TMTC2: variants seen among roughly 807,000 people sequenced by gnomAD.
TMTC2 encodes the protein protein O-mannosyl-transferase TMTC2.
Under a neutral mutation model 82.4 loss-of-function variants are expected in TMTC2, and 43 were observed. The observed-to-expected ratio is 0.52, with a 90% confidence interval of 0.41 to 0.67. The LOEUF (loss-of-function observed/expected upper bound fraction) is 0.67. TMTC2 is among the 30% of genes least tolerant of loss of function. The probability of loss-of-function intolerance (pLI) is 0.00; values close to 1 mark genes in which losing one functional copy is unlikely to be tolerated. For missense variants in TMTC2, 919 were observed against 1,012.4 expected, an observed-to-expected ratio of 0.91 and a Z score of 1.25; for synonymous variants, 408 against 381.9, an observed-to-expected ratio of 1.07 and a Z score of -0.80.
chr12:82,911,394 C>T (rs1331888769), intron 3 of TMTC2, among the ~76,000 whole-genome samples: 1 of 150,916 alleles, frequency 6.6e-6, no homozygotes, highest in African/African-American at 2.4e-5. Context: ...ACTCTCTTCC[C>T]TTCCCAGCAC....
At chr12:82,973,138 T>C (rs1878520231) in intron 7 of TMTC2, among the ~76,000 whole-genome samples, 1 of 152,222 alleles carries the variant, frequency 6.6e-6, no homozygotes, top group African/African-American at 2.4e-5. Flanking sequence ...TTAAGCTTTT[T>C]ATACCACCTG....
chr12:82,696,216 G>A (rs1445047092), intron 1 of TMTC2, among the ~76,000 whole-genome samples: 3 of 152,182 alleles, frequency 2.0e-5, no homozygotes, highest in Non-Finnish European at 2.9e-5. Flanking sequence ...TTTATTTGCA[G>A]AAATAGGCCC....
chr12:82,932,676 T>C (rs1876104575), intron 4 of TMTC2, among the ~76,000 whole-genome samples: 1 of 152,184 alleles, frequency 6.6e-6, no homozygotes, highest in Admixed American at 6.6e-5. Flanking sequence ...AAAGGGGGCC[T>C]CTTGCCTTGC....
rs1876794671 is a variant in TMTC2 at position 82,763,905 on chromosome 12, T to C, written c.83+76236T>C. Among the ~76,000 whole-genome samples, 7 of 151,928 alleles carry C rather than the reference T, an allele frequency of 4.6e-5. No homozygotes were observed. The South Asian group carries it at 1.5e-3, about 31-fold the overall frequency. ...ATGATGCTAGCATAATCCTGAAAAA[T>C]ACAGCTTAAAAAAAGAAAACCACAG... On this transcript the variant is annotated intron_variant, in intron 1 of 11. Transcript: ENST00000321196.
At chr12:82,852,525 G>C (rs1039422188) in intron 1 of TMTC2, among the ~76,000 whole-genome samples, 1 of 152,070 alleles carries the variant, frequency 6.6e-6, no homozygotes, top group Non-Finnish European at 1.5e-5. Context: ...CTTTCCTAGA[G>C]TGGAAAATAT....
chr12:82,923,769 A>G (rs575734102), intron 3 of TMTC2, among the ~76,000 whole-genome samples: 2 of 152,336 alleles, frequency 1.3e-5, no homozygotes, highest in East Asian at 3.9e-4. Flanking sequence ...CATAGAATTC[A>G]TAGATTAATT....
chr12:82,778,624 C>T (rs553735432), intron 1 of TMTC2, among the ~76,000 whole-genome samples: 1 of 151,766 alleles, frequency 6.6e-6, no homozygotes, highest in Non-Finnish European at 1.5e-5. Context: ...CCGAGGCGGG[C>T]GGATCACCAG....
At chr12:82,741,458 G>A (rs894686502) in intron 1 of TMTC2, among the ~76,000 whole-genome samples, 2 of 152,032 alleles carry the variant, frequency 1.3e-5, no homozygotes, top group African/African-American at 4.8e-5. Flanking sequence ...CTACAGGCAC[G>A]CGCCACCACG....
At chr12:82,945,404 C>G (rs775505070) in intron 4 of TMTC2, among the ~76,000 whole-genome samples, 20 of 152,142 alleles carry the variant, frequency 1.3e-4, no homozygotes, top group Non-Finnish European at 2.5e-4. Flanking sequence ...ATCCAGGACA[C>G]TGTAGGTAAA....
chr12:83,070,141 T>G (rs1251781358), intron 11 of TMTC2, among the ~76,000 whole-genome samples: 1 of 152,204 alleles, frequency 6.6e-6, no homozygotes, highest in Non-Finnish European at 1.5e-5. Context: ...TTTGTTCTTT[T>G]TACTTAGTCT....
chr12:82,688,941 A>T (rs748425188), intron 1 of TMTC2, among the ~76,000 whole-genome samples: 1 of 152,214 alleles, frequency 6.6e-6, no homozygotes, highest in South Asian at 2.1e-4. Flanking sequence ...ATCACCTGAT[A>T]ATAGGTGCCA....
At chr12:83,048,574 A>C (rs1245132962) in intron 9 of TMTC2, among the ~76,000 whole-genome samples, 1 of 152,190 alleles carries the variant, frequency 6.6e-6, no homozygotes, top group Non-Finnish European at 1.5e-5. Flanking sequence ...CTTTTGAAAA[A>C]AACAGAAAGT....
intron 3 of TMTC2, among the ~76,000 whole-genome samples, chr12:82,922,156 A>G (rs1875433332): frequency 6.6e-6 from 1 of 152,072 alleles, no homozygotes; most frequent in Non-Finnish European, 1.5e-5. Context: ...CACTTCACTG[A>G]AAGAACTTGG....
In TMTC2 at chr12:82,969,885, T is replaced by TC. The variant is rs1555201908; in HGVS notation, c.1948+2888_1948+2889insC. The stretch of plus-strand genomic sequence containing the variant: ...GAATTACAAACATACATAAAAAACA[T>TC]AAACAGATAATAAATAGTATTTTAT... On this transcript the variant is annotated intron_variant, in intron 7 of 11. Coordinates refer to ENST00000321196, the MANE Select transcript of TMTC2 (RefSeq NM_152588.3). 5.5e-3 allele frequency among the ~76,000 whole-genome samples: 835 copies of TC among 152,042 alleles called. 3 individuals carry two copies. The highest frequency in any genetic ancestry group is 0.01 in the Middle Eastern group (3 of 294).
chr12:82,874,026 A>G (rs1175660692), intron 2 of TMTC2, among the ~76,000 whole-genome samples: 3 of 152,196 alleles, frequency 2.0e-5, no homozygotes, highest in Non-Finnish European at 4.4e-5. Context: ...TTAATATGCT[A>G]TTAAGACAGT....
chr12:83,113,534 T>C (rs1184676444), intron 11 of TMTC2, among the ~76,000 whole-genome samples: 1 of 152,188 alleles, frequency 6.6e-6, no homozygotes, highest in African/African-American at 2.4e-5. Flanking sequence ...ATTAATACTA[T>C]ATTGATTTGC....
At chr12:82,820,858 A>C (rs1565765042) in intron 1 of TMTC2, among the ~76,000 whole-genome samples, 1 of 152,134 alleles carries the variant, frequency 6.6e-6, no homozygotes, top group East Asian at 1.9e-4. Context: ...CTATGTTTTT[A>C]CAAAAAATTT....
chr12:82,964,679 G>A (rs964642189), intron 4 of TMTC2, among the ~76,000 whole-genome samples: 9 of 152,022 alleles, frequency 5.9e-5, no homozygotes, highest in South Asian at 2.1e-4. Flanking sequence ...CTTCATTTCC[G>A]AAGTGATGGG....
At chr12:83,037,156 A>G (rs1310979510) in intron 9 of TMTC2, among the ~76,000 whole-genome samples, 1 of 152,170 alleles carries the variant, frequency 6.6e-6, no homozygotes, top group African/African-American at 2.4e-5. Context: ...TTCATATATT[A>G]TTTGTTTCAC....
Sources: allele counts gnomAD v4.1 joint callset (sites outside exome capture counted in the v4.1 genomes callset), GRCh38; gene constraint gnomAD v4.1.1; transcripts MANE v1.5; gene names NCBI Gene and HGNC (gene_info 2026-07-23, HGNC 2026-07-21).